Variants in SNX29 observed in about 807,000 individuals in gnomAD.
SNX29 encodes sorting nexin 29.
SNX29 carries 78 observed loss-of-function variants against 102.1 expected under a neutral mutation model. The ratio of observed to expected loss-of-function variants is 0.76; its 90% CI spans 0.64 to 0.92. The LOEUF (loss-of-function observed/expected upper bound fraction) is 0.92. Among genes scored for constraint, SNX29 ranks in the 40% least tolerant of loss-of-function variants. SNX29 has a pLI of 0.00. For missense variants in SNX29, 1,280 were observed against 1,061.7 expected, an observed-to-expected ratio of 1.21 and a Z score of -2.86; for synonymous variants, 580 against 414.5, an observed-to-expected ratio of 1.40 and a Z score of -4.85.
At chr16:12,218,336 G>A (rs138821128) in intron 14 of SNX29, among the ~76,000 whole-genome samples, 118 of 152,218 alleles carry the variant, frequency 7.8e-4, no homozygotes, top group East Asian at 3.9e-4. Context: ...ACAAACAAAC[G>A]TATATCTATT....
Position 12,043,095 on chromosome 16 carries a change from G to C in SNX29, c.428+18G>C, listed in dbSNP as rs752717368. ...AGGCTGAGGTACGTGGCCGGGATGCGAACTGGGATGGGATGGAGCAAGAGG... is the reference window on the plus strand; with the variant it reads ...AGGCTGAGGTACGTGGCCGGGATGCCAACTGGGATGGGATGGAGCAAGAGG... On this transcript the variant is annotated intron_variant, in intron 5 of 20. Coordinates refer to ENST00000566228, the MANE Select transcript of SNX29 (RefSeq NM_032167.5). 2 of 1,611,996 alleles carry C rather than the reference G, an allele frequency of 1.2e-6. No homozygotes were observed. Among genetic ancestry groups the C allele is most frequent in the East Asian group, 2.2e-5 (1 of 44,874 alleles).
intron 15 of SNX29, among the ~76,000 whole-genome samples, chr16:12,333,568 T>C (rs1403220385): frequency 6.6e-6 from 1 of 152,128 alleles, no homozygotes; most frequent in African/African-American, 2.4e-5. Context: ...TTCAACAACA[T>C]TTATCAAGCA....
At chr16:12,095,938 C>G (rs1434306243) in intron 11 of SNX29, among the ~76,000 whole-genome samples, 1 of 152,230 alleles carries the variant, frequency 6.6e-6, no homozygotes, top group East Asian at 1.9e-4. Context: ...TCTGGCTCAT[C>G]GCCTAGCAAC....
At chr16:11,984,402 T>G (rs8045739) in intron 1 of SNX29, among the ~76,000 whole-genome samples, 13,014 of 148,752 alleles carry the variant, frequency 0.087, 662 homozygotes, top group East Asian at 0.24. Flanking sequence ...AGATTGAGAC[T>G]GATATAGGCT....
intron 19 of SNX29, among the ~76,000 whole-genome samples, chr16:12,512,412 A>C: frequency 1.8e-5 from 1 of 56,642 alleles, no homozygotes; most frequent in Non-Finnish European, 3.3e-5. Flanking sequence ...ATATATATAT[A>C]TATATAGTTT....
chr16:12,470,081 C>G (rs1312158306), intron 18 of SNX29, among the ~76,000 whole-genome samples: 1 of 152,372 alleles, frequency 6.6e-6, no homozygotes, highest in Admixed American at 6.5e-5. Flanking sequence ...ACATGTCTGG[C>G]ACCTGACAGG....
chr16:11,980,492 TG>T (rs1227052198), intron 1 of SNX29, among the ~76,000 whole-genome samples: 1 of 152,170 alleles, frequency 6.6e-6, no homozygotes, highest in African/African-American at 2.4e-5. Context: ...CATGTTTTTG[TG>T]GGGGCAAGTC....
chr16:12,548,432 A>G (rs532319555), intron 20 of SNX29, among the ~76,000 whole-genome samples: 8 of 152,288 alleles, frequency 5.3e-5, no homozygotes, highest in Non-Finnish European at 8.8e-5. Context: ...ACTGTGCCAC[A>G]TCCCTGTACC....
chr16:12,530,520 A>G (rs920465413), intron 20 of SNX29, among the ~76,000 whole-genome samples: 1 of 150,102 alleles, frequency 6.7e-6, no homozygotes, highest in African/African-American at 2.4e-5. Context: ...TAGAAACTCC[A>G]CTGTTCTGAA....
chr16:11,997,156 AT>A (rs2056105534), intron 1 of SNX29, among the ~76,000 whole-genome samples: 1 of 151,976 alleles, frequency 6.6e-6, no homozygotes, highest in South Asian at 2.1e-4. Context: ...CGCCTGTTTG[AT>A]CTTTCCTTCC....
intron 13 of SNX29, among the ~76,000 whole-genome samples, chr16:12,150,407 G>T (rs575053180): frequency 1.3e-5 from 2 of 152,322 alleles, no homozygotes; most frequent in African/African-American, 4.8e-5. Context: ...GTTAAGGATG[G>T]ATAAACAAGA....
chr16:12,444,287 T>C (rs12925657), intron 18 of SNX29, among the ~76,000 whole-genome samples: 15 of 20,608 alleles, frequency 7.3e-4, no homozygotes, highest in South Asian at 8.1e-3. Context: ...GCACCTAGCA[T>C]GTAGTAAGCA....
At chr16:12,157,397 G>T (rs1263065561) in intron 13 of SNX29, among the ~76,000 whole-genome samples, 1 of 152,126 alleles carries the variant, frequency 6.6e-6, no homozygotes, top group Non-Finnish European at 1.5e-5. Flanking sequence ...CGAGAGGTGA[G>T]CCGAGGGCAG....
chr16:12,348,154 AG>A (rs1423847739), intron 15 of SNX29, among the ~76,000 whole-genome samples: 3 of 152,170 alleles, frequency 2.0e-5, no homozygotes, highest in Admixed American at 2.0e-4. Flanking sequence ...TCCAGCAGTG[AG>A]TAGACAGGAC....
intron 15 of SNX29, among the ~76,000 whole-genome samples, chr16:12,285,772 A>G (rs968045678): frequency 6.6e-6 from 1 of 152,228 alleles, no homozygotes. Flanking sequence ...ATTTTTTATA[A>G]GGACTCAGGA....
intron 13 of SNX29, among the ~76,000 whole-genome samples, chr16:12,139,039 C>T (rs1416843257): frequency 6.6e-6 from 1 of 151,472 alleles, no homozygotes; most frequent in African/African-American, 2.4e-5. Context: ...TTGTCTCTAC[C>T]AAAAATACAA....
intron 7 of SNX29, among the ~76,000 whole-genome samples, chr16:12,050,821 C>T (rs914058548): frequency 8.5e-5 from 13 of 152,232 alleles, no homozygotes; most frequent in African/African-American, 2.9e-4. Context: ...AAGAAATTCT[C>T]CTGCCTCAGC....
chr16:12,342,649 A>AT (rs2081643879), intron 15 of SNX29, among the ~76,000 whole-genome samples: 1 of 152,180 alleles, frequency 6.6e-6, no homozygotes, highest in Non-Finnish European at 1.5e-5. Flanking sequence ...TTTAGTCCTC[A>AT]TAACAACGCT....
intron 15 of SNX29, among the ~76,000 whole-genome samples, chr16:12,301,784 A>G (rs1348178202): frequency 2.0e-5 from 3 of 152,322 alleles, no homozygotes; most frequent in African/African-American, 7.2e-5. Flanking sequence ...TTTCTCTGAG[A>G]GGACTCTAGT....
Sources: allele counts gnomAD v4.1 joint callset (sites outside exome capture counted in the v4.1 genomes callset), GRCh38; gene constraint gnomAD v4.1.1; transcripts MANE v1.5; gene names NCBI Gene and HGNC (gene_info 2026-07-23, HGNC 2026-07-21).